Variants in NRG1 observed in about 807,000 individuals in gnomAD.
The protein encoded by NRG1 is pro-neuregulin-1, membrane-bound isoform.
NRG1 carries 18 observed loss-of-function variants against 63.8 expected under a neutral mutation model. The ratio of observed to expected loss-of-function variants is 0.28; its 90% CI spans 0.19 to 0.42. The LOEUF (loss-of-function observed/expected upper bound fraction) is 0.42. NRG1 is among the 10% of genes least tolerant of loss of function. NRG1 has a pLI of 1.00. For synonymous variants in NRG1, 302 were observed against 301.3 expected, an observed-to-expected ratio of 1.00 and a Z score of -0.02; for missense variants, 762 against 814.7, an observed-to-expected ratio of 0.94 and a Z score of 0.79.
chr8:32,699,623 T>A (rs1226780365), intron 5 of NRG1, among the ~76,000 whole-genome samples: 2 of 152,198 alleles, frequency 1.3e-5, no homozygotes, highest in Non-Finnish European at 2.9e-5. Context: ...AATTTTCTGC[T>A]TTCTTTGTTT....
At chr8:31,723,379 G>T (rs556701688) in intron 1 of NRG1, among the ~76,000 whole-genome samples, 1 of 152,232 alleles carries the variant, frequency 6.6e-6, no homozygotes, top group South Asian at 2.1e-4. Flanking sequence ...TCATGGATTT[G>T]CAGAACTTTC....
chr8:32,027,455 T>A (rs1754323249), intron 1 of NRG1, among the ~76,000 whole-genome samples: 1 of 117,604 alleles, frequency 8.5e-6, no homozygotes, highest in Non-Finnish European at 1.8e-5. Context: ...CTTCCTTCCT[T>A]CCTTCCTTCC....
At chr8:32,656,693 C>T (rs1227967344) in intron 5 of NRG1, among the ~76,000 whole-genome samples, 1 of 152,090 alleles carries the variant, frequency 6.6e-6, no homozygotes, top group Non-Finnish European at 1.5e-5. Context: ...AAATTGAACT[C>T]TAAATCAATA....
At chr8:31,913,253 T>A (rs531882373) in intron 1 of NRG1, among the ~76,000 whole-genome samples, 3 of 152,322 alleles carry the variant, frequency 2.0e-5, no homozygotes, top group African/African-American at 4.8e-5. Context: ...CATATTCATC[T>A]TCTATGTCCT....
chr8:32,440,664 G>A lies in NRG1; in HGVS notation c.38-155164G>A, dbSNP rs1579033. 263 of 151,970 alleles carry A rather than the reference G, an allele frequency of 1.7e-3. 1 individual carries two copies. Among genetic ancestry groups the A allele is most frequent in the African/African-American group, 6.0e-3 (247 of 41,440 alleles). The allele number at this position is 151,970 out of a possible 1,614,324, so 9.4% of individuals were successfully genotyped here. On this transcript the variant is annotated intron_variant, in intron 1 of 10. Transcript: ENST00000519301. ...ACTGATTGATGACTAAGGGTCCGCAGGGTAACACATCATCATAGTTGTTTC... is the reference window on the plus strand; with the variant it reads ...ACTGATTGATGACTAAGGGTCCGCAAGGTAACACATCATCATAGTTGTTTC...
chr8:32,426,174 C>G (rs1215939970), intron 1 of NRG1, among the ~76,000 whole-genome samples: 1 of 152,096 alleles, frequency 6.6e-6, no homozygotes, highest in African/African-American at 2.4e-5. Context: ...ATTTAGGTAA[C>G]TTCATTTAGG....
At chr8:32,174,093 A>T (rs1840403034) in intron 1 of NRG1, among the ~76,000 whole-genome samples, 1 of 152,190 alleles carries the variant, frequency 6.6e-6, no homozygotes, top group African/African-American at 2.4e-5. Context: ...GTTGGAAGTA[A>T]AGCACTCCTC....
chr8:32,716,896 A>C (rs1819382046), intron 5 of NRG1, among the ~76,000 whole-genome samples: 1 of 151,782 alleles, frequency 6.6e-6, no homozygotes, highest in African/African-American at 2.4e-5. Context: ...AATTTTTTTT[A>C]ATATTATGTA....
intron 1 of NRG1, among the ~76,000 whole-genome samples, chr8:32,348,339 G>T (rs28582253): frequency 1.3e-4 from 19 of 151,896 alleles, no homozygotes; most frequent in African/African-American, 4.6e-4. Flanking sequence ...CTTTTTAGTG[G>T]ATTCCATCCT....
In NRG1 at chr8:32,158,448, G is replaced by GATAGATATATAT. The variant is rs1491221971; in HGVS notation, c.38-437377_38-437376insGATATATATATA. The stretch of plus-strand genomic sequence containing the variant: ...TCGTTTCTCTTTGTTTGGTTTACAT[G>GATAGATATATAT]ATATATATATATATATATATATATC... On this transcript the variant is annotated intron_variant, in intron 1 of 10. Coordinates refer to the NRG1 transcript ENST00000519301. Among the ~76,000 whole-genome samples the GATAGATATATAT allele has an allele frequency of 4.3e-3, 269 of 62,176 alleles. 14 individuals are homozygous for GATAGATATATAT. In the South Asian group the frequency reaches 0.059, roughly 14 times the overall value. 40.8% of individuals were successfully genotyped at this position (62,176 alleles called of 152,430 possible).
chr8:32,617,157 A>G (rs1478111333), intron 5 of NRG1, among the ~76,000 whole-genome samples: 1 of 152,136 alleles, frequency 6.6e-6, no homozygotes, highest in Admixed American at 6.6e-5. Context: ...ATTGAAAAAT[A>G]ATTGCACAAG....
intron 1 of NRG1, among the ~76,000 whole-genome samples, chr8:32,196,131 G>GTGTGTGTGTGTGTA (rs1842931203): frequency 6.6e-6 from 1 of 151,758 alleles, no homozygotes; most frequent in Non-Finnish European, 1.5e-5. Context: ...GTGTGTGTGT[G>GTGTGTGTGTGTGTA]TGTGTGTGTG....
chr8:31,921,576 C>T (rs1833923364), intron 1 of NRG1, among the ~76,000 whole-genome samples: 1 of 152,098 alleles, frequency 6.6e-6, no homozygotes, highest in South Asian at 2.1e-4. Context: ...ACCATCCTTC[C>T]CTCTGACCTC....
intron 1 of NRG1, among the ~76,000 whole-genome samples, chr8:32,187,372 G>C (rs1473424643): frequency 6.6e-6 from 1 of 152,080 alleles, no homozygotes; most frequent in Non-Finnish European, 1.5e-5. Flanking sequence ...GAATAGGAGA[G>C]CCCTTTCCTT....
At position 32,420,724 on chromosome 8, in the gene NRG1, A is replaced by T. The variant is rs115855191; in HGVS notation, c.38-175104A>T. On this transcript the variant is annotated intron_variant, in intron 1 of 10. Coordinates refer to the NRG1 transcript ENST00000519301. ...CAGGTTTTAATCCAAATAGGGCTTT[A>T]TGATACTTGCCATTATACTATCAGA... 3.1e-3 allele frequency among the ~76,000 whole-genome samples: 478 copies of T among 152,248 alleles called. 4 individuals are homozygous for T. Among genetic ancestry groups the T allele is most frequent in the African/African-American group, 0.011 (452 of 41,548 alleles).
intron 7 of NRG1, among the ~76,000 whole-genome samples, chr8:32,748,398 T>C (rs1045648929): frequency 1.2e-5 from 1 of 80,832 alleles, no homozygotes; most frequent in African/African-American, 4.2e-5. Flanking sequence ...GAGAGAGAGA[T>C]AAAGGAAGTC....
At chr8:31,687,353 A>C (rs4424218) in intron 1 of NRG1, among the ~76,000 whole-genome samples, 1 of 152,210 alleles carries the variant, frequency 6.6e-6, no homozygotes, top group Non-Finnish European at 1.5e-5. Context: ...AGAATAGTCA[A>C]GCAGCTGAGA....
intron 1 of NRG1, among the ~76,000 whole-genome samples, chr8:31,747,848 T>G (rs2131438882): frequency 6.6e-6 from 1 of 152,104 alleles, no homozygotes; most frequent in South Asian, 2.1e-4. Flanking sequence ...GGTTGAAATA[T>G]ATCCCAGGCT....
intron 1 of NRG1, among the ~76,000 whole-genome samples, chr8:32,297,029 C>T (rs1173844153): frequency 2.0e-5 from 3 of 151,986 alleles, no homozygotes; most frequent in South Asian, 2.1e-4. Flanking sequence ...GCAGGAGAAT[C>T]GCTTGAAACC....
Sources: allele counts gnomAD v4.1 joint callset (sites outside exome capture counted in the v4.1 genomes callset), GRCh38; gene constraint gnomAD v4.1.1; transcripts MANE v1.5; gene names NCBI Gene and HGNC (gene_info 2026-07-23, HGNC 2026-07-21).